TRIP12: variants seen among roughly 807,000 people sequenced by gnomAD.
The protein encoded by TRIP12 is E3 ubiquitin-protein ligase TRIP12.
Under a neutral mutation model 244.2 loss-of-function variants are expected in TRIP12, and 25 were observed. The observed-to-expected ratio is 0.10, with a 90% CI of 0.07 to 0.14. The LOEUF (loss-of-function observed/expected upper bound fraction) is 0.14, where lower values mean the gene tolerates loss of function less well. TRIP12 is among the 10% of genes least tolerant of loss of function. The pLI, the probability that TRIP12 is intolerant of heterozygous loss-of-function variation, is 1.00. For missense variants in TRIP12, 1,677 were observed against 2,486.4 expected (o/e 0.67, Z 6.92); for synonymous variants, 905 against 873.1 (o/e 1.04, Z -0.64).
intron 4 of TRIP12, among the ~76,000 whole-genome samples, chr2:229,853,865 A>G (rs573362549): frequency 6.6e-6 from 1 of 152,208 alleles, no homozygotes; most frequent in Admixed American, 6.5e-5. Flanking sequence ...GGTTGGTATC[A>G]TAACTACAGC....
At chr2:229,888,972 T>C (rs1227367685) in intron 1 of TRIP12, among the ~76,000 whole-genome samples, 1 of 152,176 alleles carries the variant, frequency 6.6e-6, no homozygotes, top group Non-Finnish European at 1.5e-5. Flanking sequence ...AAGGCTGTGT[T>C]TGCATGGATA....
intron 9 of TRIP12, among the ~76,000 whole-genome samples, chr2:229,815,693 A>T (rs1206399596): frequency 6.6e-6 from 1 of 150,506 alleles, no homozygotes; most frequent in East Asian, 1.9e-4. Context: ...TCAGCAATGC[A>T]CTGACATTTG....
intron 1 of TRIP12, among the ~76,000 whole-genome samples, chr2:229,906,704 G>C (rs1338418634): frequency 1.3e-5 from 2 of 148,274 alleles, no homozygotes; most frequent in Non-Finnish European, 3.0e-5. Context: ...TGGGCAACAC[G>C]GTAAGACTCC....
chr2:229,831,174 G>C (rs2053255510), intron 6 of TRIP12: 1 of 702,246 alleles, frequency 1.4e-6, no homozygotes, highest in Non-Finnish European at 2.6e-6. Context: ...ACATACTGCT[G>C]TAACAATTGT....
Position 229,859,200 on chromosome 2 carries a change from T to C in TRIP12, c.599A>G (p.Lys200Arg), listed in dbSNP as rs761760082. The change falls in exon 4 of 42, where the codon AAG becomes AGG. Residue 200 changes from lysine (K) to arginine (R), a missense_variant. Physicochemically the swap from Lys to Arg is conservative, Grantham distance 26 (BLOSUM62 2). Transcript: ENST00000675903. ...KRKRTESSCV[K>R]SGSGSESTGA... ...AGTTGATTCAGACCCGGAGCCACTC[T>C]TTACACAAGAACTCTCTGTCCTTTT... is the stretch of plus-strand genomic sequence containing the variant. 1 of 1,614,194 alleles carries C rather than the reference T, an allele frequency of 6.2e-7. No homozygotes were observed. The highest frequency in any genetic ancestry group is 1.1e-5 in the South Asian group (1 of 91,080).
intron 24 of TRIP12, 103 bp from the exon 25 acceptor site, chr2:229,796,885 T>A: frequency 9.1e-7 from 1 of 1,100,594 alleles, no homozygotes; most frequent in Non-Finnish European, 1.3e-6. Flanking sequence ...CTCAACGCCC[T>A]TAAAAAAGAG....
At chr2:229,814,452 G>T in intron 11 of TRIP12, 127 bp from the exon 12 acceptor site, 3 of 824,438 alleles carry the variant, frequency 3.6e-6, no homozygotes, top group South Asian at 4.4e-5. Flanking sequence ...ACCATAGGAT[G>T]CAAGTCACTT....
At chr2:229,813,522 G>A (rs1156911477) in intron 13 of TRIP12, among the ~76,000 whole-genome samples, 2 of 152,148 alleles carry the variant, frequency 1.3e-5, no homozygotes, top group East Asian at 1.9e-4. Flanking sequence ...GGTAGCTCAC[G>A]CCTGTAATCC....
Position 229,766,073 on chromosome 2 carries a change from A to G in TRIP12, c.*1481T>C, listed in dbSNP as rs919319193. On this transcript the variant is annotated 3_prime_UTR_variant, in exon 42 of 42. Transcript: ENST00000675903. ...TTTGTGTCAATTAATTAAAACTTAC[A>G]GAACAGTCAAAAAAATTGATTTCTC... 2.6e-5 allele frequency: 4 copies of G among 152,178 alleles called. No individual in the cohort carries two copies. Among genetic ancestry groups the G allele is most frequent in the African/African-American group, 7.2e-5 (3 of 41,430 alleles). The allele number at this position is 152,178 out of a possible 1,614,324, so 9.4% of individuals were successfully genotyped here.
chr2:229,803,782 A>AT, intron 19 of TRIP12, 93 bp from the exon 20 acceptor site: 1 of 973,296 alleles, frequency 1.0e-6, no homozygotes. Context: ...AAGCATTTTC[A>AT]TTGTGAAACC....
intron 1 of TRIP12, among the ~76,000 whole-genome samples, chr2:229,899,332 T>C (rs1048010347): frequency 6.6e-6 from 1 of 151,914 alleles, no homozygotes; most frequent in Non-Finnish European, 1.5e-5. Flanking sequence ...CTGCCACACC[T>C]CCAAAGTGTT....
chr2:229,878,796 A>C (rs1289801249), intron 2 of TRIP12, among the ~76,000 whole-genome samples: 24 of 151,832 alleles, frequency 1.6e-4, no homozygotes, highest in African/African-American at 4.8e-4. Context: ...GTTAGCCAGG[A>C]TGGTCTCGAT....
chr2:229,815,246 C>A, intron 10 of TRIP12, 27 bp downstream of exon 10: 1 of 1,540,100 alleles, frequency 6.5e-7, no homozygotes, highest in Non-Finnish European at 8.9e-7. Context: ...AAATATACAC[C>A]ATTAAAAAAA....
chr2:229,787,352 G>A (rs2040365698), intron 33 of TRIP12, among the ~76,000 whole-genome samples, 153 bp downstream of exon 33: 1 of 152,150 alleles, frequency 6.6e-6, no homozygotes, highest in Non-Finnish European at 1.5e-5. Context: ...AAGAATCACA[G>A]CCCAGTTCCA....
intron 6 of TRIP12, among the ~76,000 whole-genome samples, chr2:229,833,168 T>C (rs2053887005): frequency 1.3e-5 from 2 of 152,230 alleles, no homozygotes; most frequent in South Asian, 4.1e-4. Context: ...TATCTCAAAC[T>C]GCACTGCCAC....
In TRIP12 at chr2:229,859,058, CGAG is replaced by C. The variant is rs967423078; in HGVS notation, c.738_740del (p.Ser249del). The stretch of plus-strand genomic sequence containing the variant: ...AGGAGGCCGAGGCTACAGCAGAAGA[CGAG>C]GAGGAAGTAGAGGCAGCAGAAGAAG... On this transcript the variant is annotated inframe_deletion, in exon 4 of 42. Transcript: ENST00000675903. 1 of 1,614,052 alleles carries C rather than the reference CGAG, an allele frequency of 6.2e-7. No homozygotes were observed. The highest frequency in any genetic ancestry group is 1.3e-5 in the African/African-American group (1 of 74,912).
intron 23 of TRIP12, 128 bp downstream of exon 23, chr2:229,798,747 T>C: frequency 2.9e-6 from 3 of 1,037,456 alleles, no homozygotes; most frequent in Non-Finnish European, 4.1e-6. Context: ...TCTTGAACTA[T>C]GCTTTTAAGA....
chr2:229,865,431 G>A (rs1484183638), intron 2 of TRIP12, among the ~76,000 whole-genome samples: 1 of 150,894 alleles, frequency 6.6e-6, no homozygotes, highest in East Asian at 1.9e-4. Flanking sequence ...CCTATTATAG[G>A]TATTACACTG....
At position 229,886,801 on chromosome 2, in the gene TRIP12, T is replaced by C. The variant is rs530801963; in HGVS notation, c.-49-6673A>G. On this transcript the variant is annotated intron_variant, in intron 1 of 41. Transcript: ENST00000675903. ...TTTTCAAATTGTATTTTTATAACAC[T>C]AGAAAACAATATTTAATGGAAAAAA... is the stretch of plus-strand genomic sequence containing the variant. Among the ~76,000 whole-genome samples the C allele has an allele frequency of 2.6e-5, 4 of 152,296 alleles. No individual in the cohort carries two copies. In the South Asian group the frequency reaches 8.3e-4, roughly 32 times the overall value.
Sources: allele counts gnomAD v4.1 joint callset (sites outside exome capture counted in the v4.1 genomes callset), GRCh38; gene constraint gnomAD v4.1.1; transcripts MANE v1.5; gene names NCBI Gene and HGNC (gene_info 2026-07-23, HGNC 2026-07-21).